Variants in SNTB2 observed in about 807,000 individuals in gnomAD.
The protein encoded by SNTB2 is syntrophin beta 2.
SNTB2 carries 34 observed loss-of-function variants against 46.2 expected under a neutral mutation model. That is an observed-to-expected ratio of 0.74 (90% CI 0.56 to 0.98). SNTB2 has a LOEUF of 0.98. Among genes scored for constraint, SNTB2 ranks in the 50% least tolerant of loss-of-function variants. The pLI is 0.00. For synonymous variants in SNTB2, 290 were observed against 312.6 expected (o/e 0.93, Z 0.76); for missense variants, 603 against 731.4 (o/e 0.82, Z 2.02).
intron 5 of SNTB2, among the ~76,000 whole-genome samples, chr16:69,297,721 G>T (rs1965241538): frequency 6.6e-6 from 1 of 152,020 alleles, no homozygotes; most frequent in South Asian, 2.1e-4. Context: ...AGACCAACCT[G>T]GCCAACGTGG....
intron 2 of SNTB2, 47 bp downstream of exon 2, chr16:69,245,862 T>C (rs762562033): frequency 3.8e-6 from 6 of 1,565,678 alleles, no homozygotes. Flanking sequence ...TTTACAAACT[T>C]AAGGACATGT....
At chr16:69,201,069 CAGGGCCTCCA>C (rs1250283561) in intron 1 of SNTB2, among the ~76,000 whole-genome samples, 2 of 152,186 alleles carry the variant, frequency 1.3e-5, no homozygotes, top group Non-Finnish European at 2.9e-5. Context: ...ATCACACTTT[CAGGGCCTCCA>C]GGGGCCTGGT....
chr16:69,244,255 A>G (rs542746852), intron 1 of SNTB2, among the ~76,000 whole-genome samples: 7 of 152,332 alleles, frequency 4.6e-5, no homozygotes, highest in Admixed American at 1.3e-4. Context: ...AAGACTATCA[A>G]CCTTATTAAA....
chr16:69,265,830 GAAAAAAAAAA>G (rs762058012), intron 3 of SNTB2, among the ~76,000 whole-genome samples: 1 of 67,502 alleles, frequency 1.5e-5, no homozygotes, highest in African/African-American at 5.0e-5. Flanking sequence ...CCGTGCCAAA[GAAAAAAAAAA>G]AAAAAAAAGA....
chr16:69,215,133 CAGACGTG>C (rs1964334263), intron 1 of SNTB2, among the ~76,000 whole-genome samples: 1 of 152,208 alleles, frequency 6.6e-6, no homozygotes, highest in African/African-American at 2.4e-5. Context: ...GTTGGGATTA[CAGACGTG>C]AGCCACTGTG....
At chr16:69,227,563 G>C (rs752518623) in intron 1 of SNTB2, among the ~76,000 whole-genome samples, 3 of 152,198 alleles carry the variant, frequency 2.0e-5, no homozygotes, top group African/African-American at 7.2e-5. Flanking sequence ...GTTCTGAAGG[G>C]TGACTAGGAA....
Position 69,187,667 on chromosome 16 carries a change from C to T in SNTB2, c.501C>T (p.Asn167=). The T allele has an allele frequency of 6.5e-7, 1 of 1,541,052 alleles. No homozygotes were observed. The highest frequency in any genetic ancestry group is 8.7e-7 in the Non-Finnish European group (1 of 1,149,878). ...TGGGCGACGCCATCCTGTCGGTGAA[C>T]GGCACCGACCTGCGCCAGGCCACCC... ...LRLGDAILSV[N]GTDLRQATHD... Residue 167 remains asparagine (N), a synonymous_variant, in exon 1 of 7, where the codon AAC becomes AAT. Coordinates refer to ENST00000336278, the MANE Select transcript of SNTB2 (RefSeq NM_006750.4).
chr16:69,289,699 G>C (rs1227760814), intron 5 of SNTB2, among the ~76,000 whole-genome samples: 2 of 152,066 alleles, frequency 1.3e-5, no homozygotes, highest in African/African-American at 4.8e-5. Flanking sequence ...ACTTTGGGAG[G>C]CTGAGGCAGG....
At chr16:69,219,718 ATTTTGTTTTGTTTTG>A (rs60116168) in intron 1 of SNTB2, among the ~76,000 whole-genome samples, 1,694 of 140,834 alleles carry the variant, frequency 0.012, 30 homozygotes, top group African/African-American at 0.046. Context: ...ATTTTATTTT[ATTTTGTTTTGTTTTG>A]TTTTGTTTTG....
intron 4 of SNTB2, among the ~76,000 whole-genome samples, chr16:69,275,751 T>C (rs1964980739): frequency 6.6e-6 from 1 of 152,180 alleles, no homozygotes; most frequent in Admixed American, 6.6e-5. Context: ...CTTTGGACCA[T>C]GTTCTTATGA....
intron 4 of SNTB2, among the ~76,000 whole-genome samples, chr16:69,273,402 C>T (rs1340276377): frequency 2.0e-5 from 3 of 152,198 alleles, no homozygotes; most frequent in Non-Finnish European, 4.4e-5. Flanking sequence ...CAGTTAAAAA[C>T]AATAATGTTC....
rs749452399 is a variant in SNTB2, at chr16:69,305,870, T to G, written c.*4946T>G. On this transcript the variant is annotated 3_prime_UTR_variant, in exon 7 of 7. Coordinates refer to ENST00000336278, the MANE Select transcript of SNTB2 (RefSeq NM_006750.4). ...TGGTAATCTAAAATTATTCTGACTT[T>G]CCACATACTGTCTTTAAAAACCAAT... The G allele has an allele frequency of 2.0e-5, 3 of 152,060 alleles. No homozygotes were observed. The highest frequency in any genetic ancestry group is 4.4e-5 in the Non-Finnish European group (3 of 68,014). 9.4% of individuals were successfully genotyped at this position (152,060 alleles called of 1,614,324 possible).
At chr16:69,237,088 G>A (rs1266214757) in intron 1 of SNTB2, among the ~76,000 whole-genome samples, 2 of 152,178 alleles carry the variant, frequency 1.3e-5, no homozygotes, top group Admixed American at 1.3e-4. Flanking sequence ...GGATGGGGCA[G>A]CACCCAGGTG....
intron 5 of SNTB2, among the ~76,000 whole-genome samples, chr16:69,295,234 T>A (rs1597204797): frequency 1.6e-5 from 1 of 62,742 alleles, no homozygotes; most frequent in African/African-American, 9.0e-5. Flanking sequence ...TACTGAATTT[T>A]TTTTTTTTTT....
At chr16:69,220,688 C>A (rs1378016462) in intron 1 of SNTB2, among the ~76,000 whole-genome samples, 1 of 151,948 alleles carries the variant, frequency 6.6e-6, no homozygotes, top group African/African-American at 2.4e-5. Context: ...CCACCACATG[C>A]TTGGCTAATT....
intron 1 of SNTB2, among the ~76,000 whole-genome samples, chr16:69,223,433 A>T (rs1166683069): frequency 6.6e-6 from 1 of 152,002 alleles, no homozygotes; most frequent in African/African-American, 2.4e-5. Flanking sequence ...GACTTCAGGT[A>T]ATGCACCTAC....
chr16:69,249,816 T>A (rs2143055568), intron 2 of SNTB2, among the ~76,000 whole-genome samples: 1 of 152,288 alleles, frequency 6.6e-6, no homozygotes, highest in South Asian at 2.1e-4. Context: ...TATCAAAATT[T>A]GGCCGGGTGC....
intron 1 of SNTB2, among the ~76,000 whole-genome samples, chr16:69,243,516 G>A (rs1160429083): frequency 6.6e-6 from 1 of 152,180 alleles, no homozygotes; most frequent in Non-Finnish European, 1.5e-5. Context: ...AATGAACTGA[G>A]TAGATCGTTA....
chr16:69,204,253 G>T (rs577634794), intron 1 of SNTB2, among the ~76,000 whole-genome samples: 7 of 152,282 alleles, frequency 4.6e-5, no homozygotes, highest in African/African-American at 1.4e-4. Context: ...AGACTGGTGA[G>T]TACTCTTCTT....
Sources: allele counts gnomAD v4.1 joint callset (sites outside exome capture counted in the v4.1 genomes callset), GRCh38; gene constraint gnomAD v4.1.1; transcripts MANE v1.5; gene names NCBI Gene and HGNC (gene_info 2026-07-23, HGNC 2026-07-21).